CACNA1D: variants seen among roughly 807,000 people sequenced by gnomAD.
CACNA1D encodes calcium voltage-gated channel subunit alpha1 D.
CACNA1D carries 55 observed loss-of-function variants against 257.1 expected under a neutral mutation model. That is an observed-to-expected ratio of 0.21 (90% CI 0.17 to 0.27). CACNA1D has a LOEUF of 0.27. Among genes scored for constraint, CACNA1D ranks in the 10% least tolerant of loss-of-function variants. CACNA1D has a pLI of 1.00. For synonymous variants in CACNA1D, 980 were observed against 1,014.9 expected, an observed-to-expected ratio of 0.97 and a Z score of 0.65; for missense variants, 1,876 against 2,784.0, an observed-to-expected ratio of 0.67 and a Z score of 7.34.
intron 3 of CACNA1D, among the ~76,000 whole-genome samples, chr3:53,532,104 C>A (rs2091970938): frequency 6.6e-6 from 1 of 152,144 alleles, no homozygotes. Flanking sequence ...GGTTTGTATG[C>A]CTATTTCTAC....
chr3:53,706,300 T>C (rs923883237), intron 9 of CACNA1D, among the ~76,000 whole-genome samples: 2 of 152,018 alleles, frequency 1.3e-5, no homozygotes, highest in Non-Finnish European at 2.9e-5. Flanking sequence ...TGAGCAGAAG[T>C]GGGTGTAGGA....
intron 8 of CACNA1D, among the ~76,000 whole-genome samples, chr3:53,682,384 A>ACAAAC (rs1480448541): frequency 6.7e-6 from 1 of 148,184 alleles, no homozygotes; most frequent in East Asian, 2.0e-4. Flanking sequence ...AAAAAAAAAA[A>ACAAAC]AAAAAAAAAA....
chr3:53,531,125 T>C (rs2091936487), intron 3 of CACNA1D, among the ~76,000 whole-genome samples: 1 of 151,864 alleles, frequency 6.6e-6, no homozygotes, highest in Non-Finnish European at 1.5e-5. Context: ...CCACTGGGAT[T>C]ATAGGCATGA....
chr3:53,513,855 T>C (rs2091220026), intron 3 of CACNA1D, among the ~76,000 whole-genome samples: 1 of 152,212 alleles, frequency 6.6e-6, no homozygotes, highest in Admixed American at 6.5e-5. Flanking sequence ...ACTGGTGTTA[T>C]AATTGCCTAT....
chr3:53,623,125 T>G (rs2093716908), intron 3 of CACNA1D, among the ~76,000 whole-genome samples: 1 of 152,208 alleles, frequency 6.6e-6, no homozygotes, highest in Non-Finnish European at 1.5e-5. Context: ...TCTGACCTCG[T>G]GATCAGCCGG....
chr3:53,750,245 G>C (rs1312038673), intron 27 of CACNA1D, among the ~76,000 whole-genome samples: 1 of 152,186 alleles, frequency 6.6e-6, no homozygotes, highest in Non-Finnish European at 1.5e-5. Flanking sequence ...CACCTGCACT[G>C]TGACCCTAGG....
chr3:53,635,377 G>A (rs2093870591), intron 3 of CACNA1D, among the ~76,000 whole-genome samples: 1 of 152,146 alleles, frequency 6.6e-6, no homozygotes, highest in Admixed American at 6.5e-5. Context: ...GGTGGGGAGG[G>A]GATGCTGGTG....
chr3:53,650,146 G>A (rs1031847552), intron 3 of CACNA1D, among the ~76,000 whole-genome samples: 1 of 152,162 alleles, frequency 6.6e-6, no homozygotes, highest in Non-Finnish European at 1.5e-5. Context: ...CGGGAGAGGC[G>A]GCATGCCAAT....
chr3:53,619,911 C>CT (rs1389165144), intron 3 of CACNA1D, among the ~76,000 whole-genome samples: 2 of 152,178 alleles, frequency 1.3e-5, no homozygotes, highest in African/African-American at 4.8e-5. Context: ...TGGCCCTGTG[C>CT]TAAGCATTGG....
At chr3:53,783,110 G>A (rs573706150) in intron 39 of CACNA1D, 3 of 152,248 alleles carry the variant, frequency 2.0e-5, no homozygotes, top group South Asian at 2.1e-4. Context: ...TCAGAATAGT[G>A]GGCTATGTCT....
At chr3:53,531,610 C>T (rs2091953284) in intron 3 of CACNA1D, among the ~76,000 whole-genome samples, 1 of 152,170 alleles carries the variant, frequency 6.6e-6, no homozygotes, top group East Asian at 1.9e-4. Flanking sequence ...TCCTTCACTT[C>T]CAGACTGTCT....
At chr3:53,674,300 C>T (rs2094352926) in intron 8 of CACNA1D, among the ~76,000 whole-genome samples, 2 of 152,200 alleles carry the variant, frequency 1.3e-5, no homozygotes, top group African/African-American at 2.4e-5. Context: ...CACATAAATA[C>T]TGGACAGTTT....
chr3:53,731,865 TG>T (rs1270603655), intron 17 of CACNA1D, 150 bp from the exon 18 acceptor site: 2 of 693,612 alleles, frequency 2.9e-6, no homozygotes, highest in Non-Finnish European at 5.3e-6. Context: ...AATCACCATC[TG>T]GGGACATCTG....
rs76032644 is a variant in CACNA1D, at chr3:53,794,284, C to G, written c.4924-5965C>G. On this transcript the variant is annotated intron_variant, in intron 40 of 47. Coordinates refer to ENST00000350061, the MANE Select transcript of CACNA1D (RefSeq NM_001128840.3). ...TTGTGTCATGATTAGATGATCTGTGCGAAGGAGCTGGCTAAGACTTACTAA... is the reference window on the plus strand; with the variant it reads ...TTGTGTCATGATTAGATGATCTGTGGGAAGGAGCTGGCTAAGACTTACTAA... Among the ~76,000 whole-genome samples, 1,371 of 152,218 alleles carry G rather than the reference C, an allele frequency of 9.0e-3. 21 individuals are homozygous for G. Among genetic ancestry groups the G allele is most frequent in the African/African-American group, 0.03 (1,264 of 41,536 alleles).
intron 7 of CACNA1D, among the ~76,000 whole-genome samples, chr3:53,669,654 G>T (rs2094303824): frequency 6.6e-6 from 1 of 152,288 alleles, no homozygotes; most frequent in Non-Finnish European, 1.5e-5. Context: ...GTAAAGGTGG[G>T]TCCAATATGT....
chr3:53,666,377 T>C lies in CACNA1D; in HGVS notation c.958T>C (p.Ser320Pro). The C allele has an allele frequency of 6.2e-7, 1 of 1,614,190 alleles. No individual in the cohort carries two copies. Among genetic ancestry groups the C allele is most frequent in the African/African-American group, 1.3e-5 (1 of 75,050 alleles). ...AGAGGACCCAGCTCCATGTGCGTTC[T>C]CAGGGAATGGACGCCAGTGTACTGC... ...AEEDPAPCAF[S>P]GNGRQCTANG... The change falls in exon 7 of 48, where the codon TCA becomes CCA. Residue 320 changes from serine to proline, a missense_variant. Ser to Pro is a moderately conservative substitution (Grantham distance 74). Transcript: ENST00000350061.
chr3:53,652,847 T>C (rs2094111159), intron 4 of CACNA1D, among the ~76,000 whole-genome samples: 1 of 152,254 alleles, frequency 6.6e-6, no homozygotes, highest in African/African-American at 2.4e-5. Flanking sequence ...ACCTAAAATA[T>C]TTAAATATTT....
At chr3:53,705,729 G>C (rs933852871) in intron 9 of CACNA1D, among the ~76,000 whole-genome samples, 1 of 152,178 alleles carries the variant, frequency 6.6e-6, no homozygotes. Context: ...TAGCTGACTT[G>C]AGAGCACCAA....
intron 3 of CACNA1D, among the ~76,000 whole-genome samples, chr3:53,608,038 GC>G (rs539751318): frequency 6.6e-6 from 1 of 152,142 alleles, no homozygotes; most frequent in Admixed American, 6.5e-5. Flanking sequence ...TATAAAAATA[GC>G]CCTGTTTAGA....
Sources: gnomAD v4.1 joint callset for allele counts (sites outside exome capture counted in the v4.1 genomes callset) on GRCh38, gnomAD v4.1.1 for gene constraint, MANE v1.5 for transcripts, NCBI Gene and HGNC (gene_info 2026-07-23, HGNC 2026-07-21) for gene names.